BRD10: variants seen among roughly 807,000 people sequenced by gnomAD.
BRD10 encodes the protein uncharacterized bromodomain-containing protein 10.
At chr9:5,982,228 C>T in the BRD10 span, among the ~76,000 whole-genome samples, 1 of 152,142 alleles carries the variant, frequency 6.6e-6, no homozygotes, top group East Asian at 1.9e-4. Context: ...TACCCTCCTA[C>T]TGCAAGCAGC....
At chr9:6,008,169 G>T in the BRD10 span, 1 of 973,720 alleles carries the variant, frequency 1.0e-6, no homozygotes, top group Non-Finnish European at 1.2e-6. Context: ...GGCCAGCGGG[G>T]GGCTGGGAGG....
At chr9:5,951,568 A>G in the BRD10 span, among the ~76,000 whole-genome samples, 1 of 152,212 alleles carries the variant, frequency 6.6e-6, no homozygotes, top group Non-Finnish European at 1.5e-5. Flanking sequence ...TGTGATATTT[A>G]AAACACCTTG....
At chr9:5,990,116 T>C in the BRD10 span, among the ~76,000 whole-genome samples, 1 of 152,240 alleles carries the variant, frequency 6.6e-6, no homozygotes, top group Admixed American at 6.5e-5. Context: ...TAATCTAGCA[T>C]ACCATTTTAG....
At chr9:5,946,816 T>C in the BRD10 span, among the ~76,000 whole-genome samples, 1 of 152,018 alleles carries the variant, frequency 6.6e-6, no homozygotes, top group Non-Finnish European at 1.5e-5. Flanking sequence ...TGAAGACATA[T>C]ACCCCTAGAA....
At chr9:5,973,500 T>C in the BRD10 span, among the ~76,000 whole-genome samples, 1 of 151,892 alleles carries the variant, frequency 6.6e-6, no homozygotes, top group East Asian at 1.9e-4. Flanking sequence ...TAAAATAAAA[T>C]ACATAACAGT....
At chr9:5,993,739 T>C in the BRD10 span, among the ~76,000 whole-genome samples, 1 of 152,180 alleles carries the variant, frequency 6.6e-6, no homozygotes, top group African/African-American at 2.4e-5. Context: ...TCCTATTGGC[T>C]GAACCCAATC....
chr9:5,884,717 C>T, the BRD10 span, among the ~76,000 whole-genome samples: 3 of 152,234 alleles, frequency 2.0e-5, no homozygotes, highest in South Asian at 2.1e-4. Context: ...TGTAGTGAAC[C>T]CTGGTGTTGA....
chr9:6,000,593 T>G, the BRD10 span, among the ~76,000 whole-genome samples: 1 of 152,212 alleles, frequency 6.6e-6, no homozygotes, highest in African/African-American at 2.4e-5. Context: ...TAGAATCTGT[T>G]AGGACATTTT....
chr9:5,960,530 C>T, the BRD10 span, among the ~76,000 whole-genome samples: 1 of 149,970 alleles, frequency 6.7e-6, no homozygotes, highest in African/African-American at 2.5e-5. Flanking sequence ...CCAATGCACT[C>T]CAGCCTGGGC....
the BRD10 span, among the ~76,000 whole-genome samples, chr9:5,961,452 G>C: frequency 6.6e-6 from 1 of 151,942 alleles, no homozygotes; most frequent in Admixed American, 6.6e-5. Context: ...CAAATGATCT[G>C]AATTTTTTTT....
At chr9:6,007,458 G>A in the BRD10 span, 21 of 1,608,684 alleles carry the variant, frequency 1.3e-5, no homozygotes, top group Middle Eastern at 1.7e-4. Flanking sequence ...CCTCCTCCGC[G>A]GTGGCAACGC....
chr9:5,926,896 A>G, the BRD10 span, among the ~76,000 whole-genome samples: 3 of 152,212 alleles, frequency 2.0e-5, no homozygotes, highest in African/African-American at 7.2e-5. Flanking sequence ...GAGAATAATA[A>G]TAGTACTTAC....
the BRD10 span, among the ~76,000 whole-genome samples, chr9:5,970,695 T>G: frequency 1.3e-5 from 2 of 152,162 alleles, no homozygotes; most frequent in Non-Finnish European, 2.9e-5. Flanking sequence ...AATAGGAGAC[T>G]TGTATATAGA....
At chr9:5,985,802 T>A in the BRD10 span, among the ~76,000 whole-genome samples, 17 of 151,028 alleles carry the variant, frequency 1.1e-4, no homozygotes, top group East Asian at 3.3e-3. Context: ...AATAAATAAA[T>A]AAATAAAGAA....
chr9:5,949,246 A>C, the BRD10 span, among the ~76,000 whole-genome samples: 1 of 152,142 alleles, frequency 6.6e-6, no homozygotes, highest in African/African-American at 2.4e-5. Context: ...CTAAGATGAC[A>C]CACTGATAGA....
At chr9:5,884,032 G>A in the BRD10 span, among the ~76,000 whole-genome samples, 1 of 152,206 alleles carries the variant, frequency 6.6e-6, no homozygotes, top group Admixed American at 6.5e-5. Context: ...GCCAGTCAAT[G>A]CTGGAGCAAG....
chr9:5,986,194 G>C, the BRD10 span, among the ~76,000 whole-genome samples: 6 of 152,104 alleles, frequency 3.9e-5, no homozygotes, highest in Non-Finnish European at 5.9e-5. Flanking sequence ...TCACTGTTCA[G>C]CTCCCACTTA....
At chr9:6,005,524 T>C in the BRD10 span, among the ~76,000 whole-genome samples, 18 of 152,288 alleles carry the variant, frequency 1.2e-4, no homozygotes, top group East Asian at 7.7e-4. Flanking sequence ...AATAAATAAA[T>C]GTTTATTACA....
chr9:5,944,884 C>A, the BRD10 span: 1 of 1,525,654 alleles, frequency 6.6e-7, no homozygotes, highest in South Asian at 1.2e-5. Flanking sequence ...TTTTTTTCTA[C>A]TGTTTTCCAG....
Sources: gnomAD v4.1 joint callset for allele counts (sites outside exome capture counted in the v4.1 genomes callset) on GRCh38, gnomAD v4.1.1 for gene constraint, MANE v1.5 for transcripts, NCBI Gene and HGNC (gene_info 2026-07-23, HGNC 2026-07-21) for gene names.